Variants in EPHA6 observed in about 807,000 individuals in gnomAD.
EPHA6 encodes EPH receptor A6, also known as ephrin type-A receptor 6.
A neutral mutation model predicts 112.0 loss-of-function variants in EPHA6; 50 were observed. The observed-to-expected ratio is 0.45, with a 90% CI of 0.36 to 0.56. The LOEUF is 0.56. EPHA6 is among the 20% of genes least tolerant of loss of function. The pLI is 0.00. For synonymous variants in EPHA6, 529 were observed against 490.7 expected (o/e 1.08, Z -1.03); for missense variants, 1,280 against 1,417.4 (o/e 0.90, Z 1.56).
chr3:97,062,610 A>G (rs893646038), intron 3 of EPHA6, among the ~76,000 whole-genome samples: 3 of 152,276 alleles, frequency 2.0e-5, no homozygotes, highest in South Asian at 4.1e-4. Context: ...GAGGGACCCA[A>G]TGGGAGATAA....
intron 5 of EPHA6, among the ~76,000 whole-genome samples, chr3:97,303,313 AAGAATTTTG>A (rs1162146966): frequency 6.6e-6 from 1 of 152,064 alleles, no homozygotes; most frequent in Non-Finnish European, 1.5e-5. Context: ...AATAAGCTAA[AAGAATTTTG>A]AGAAGGGAAG....
At chr3:96,880,000 C>T (rs916213795) in intron 2 of EPHA6, among the ~76,000 whole-genome samples, 1 of 151,992 alleles carries the variant, frequency 6.6e-6, no homozygotes, top group African/African-American at 2.4e-5. Flanking sequence ...CTATTGGGTA[C>T]AATGTACGCT....
intron 11 of EPHA6, among the ~76,000 whole-genome samples, chr3:97,539,408 G>A (rs920842264): frequency 3.9e-5 from 6 of 151,990 alleles, no homozygotes; most frequent in Non-Finnish European, 8.8e-5. Flanking sequence ...TTGGCCACGG[G>A]AAGTGCTAGG....
chr3:97,471,006 C>T (rs2091213835), intron 7 of EPHA6, among the ~76,000 whole-genome samples: 1 of 151,512 alleles, frequency 6.6e-6, no homozygotes, highest in South Asian at 2.1e-4. Context: ...TTTTCTCCTA[C>T]AAAACTAATG....
intron 11 of EPHA6, among the ~76,000 whole-genome samples, chr3:97,532,931 T>C (rs1165747781): frequency 6.6e-6 from 1 of 152,022 alleles, no homozygotes; most frequent in Non-Finnish European, 1.5e-5. Flanking sequence ...TATAAAATGC[T>C]TTACCTGGAG....
chr3:97,627,786 A>G (rs1428557488), intron 13 of EPHA6, among the ~76,000 whole-genome samples: 1 of 151,954 alleles, frequency 6.6e-6, no homozygotes, highest in East Asian at 1.9e-4. Flanking sequence ...AATGATTCTC[A>G]TATTTGGCTA....
intron 2 of EPHA6, among the ~76,000 whole-genome samples, chr3:96,931,196 G>C (rs1489120375): frequency 6.6e-6 from 1 of 152,038 alleles, no homozygotes; most frequent in Non-Finnish European, 1.5e-5. Flanking sequence ...GGAAATTAGA[G>C]CTCTGTTCAT....
rs533499302 is a variant in EPHA6, at chr3:97,229,498, T to TG, written c.1270+3080dup. ...GTGTCCTTTCTCCACTTTATGTTTTTGTTTGCTTTTATTTTTATTTATCAG... is the reference window on the plus strand; with the variant it reads ...GTGTCCTTTCTCCACTTTATGTTTTTGGTTTGCTTTTATTTTTATTTATCAG... On this transcript the variant is annotated intron_variant, in intron 4 of 17. Transcript: ENST00000389672. Among the ~76,000 whole-genome samples the TG allele has an allele frequency of 6.6e-4, 101 of 152,330 alleles. 2 individuals carry two copies. In the East Asian group the frequency reaches 0.018, roughly 28 times the overall value.
intron 2 of EPHA6, among the ~76,000 whole-genome samples, chr3:96,979,611 T>C (rs1029402177): frequency 6.6e-6 from 1 of 152,180 alleles, no homozygotes; most frequent in Admixed American, 6.5e-5. Flanking sequence ...TTCTAGATCC[T>C]TGAGGGATCG....
intron 3 of EPHA6, among the ~76,000 whole-genome samples, chr3:97,124,203 T>G (rs2048118088): frequency 6.6e-6 from 1 of 152,052 alleles, no homozygotes; most frequent in Non-Finnish European, 1.5e-5. Flanking sequence ...CCATATAGTT[T>G]AGAATCAATC....
At chr3:97,596,788 A>ATATATATATT (rs1332326866) in intron 12 of EPHA6, among the ~76,000 whole-genome samples, 2 of 115,150 alleles carry the variant, frequency 1.7e-5, no homozygotes, top group East Asian at 4.1e-4. Flanking sequence ...ATATATATAT[A>ATATATATATT]TATATATATA....
At chr3:96,822,000 T>C (rs1351979667) in intron 1 of EPHA6, among the ~76,000 whole-genome samples, 2 of 151,852 alleles carry the variant, frequency 1.3e-5, no homozygotes, top group African/African-American at 2.4e-5. Context: ...TAAATGATGT[T>C]GCATGGAAGA....
chr3:97,545,671 A>C (rs1415480130), intron 11 of EPHA6, among the ~76,000 whole-genome samples: 1 of 152,056 alleles, frequency 6.6e-6, no homozygotes, highest in African/African-American at 2.4e-5. Flanking sequence ...GGGGTGTTAA[A>C]GTCTCTCATT....
intron 5 of EPHA6, among the ~76,000 whole-genome samples, chr3:97,328,016 T>TCACACACACAC (rs2082551128): frequency 2.3e-5 from 3 of 133,230 alleles, no homozygotes; most frequent in African/African-American, 9.6e-5. Flanking sequence ...TGTATATGTG[T>TCACACACACAC]ATATATGTAT....
At chr3:96,864,691 G>A (rs2036205547) in intron 1 of EPHA6, among the ~76,000 whole-genome samples, 1 of 151,956 alleles carries the variant, frequency 6.6e-6, no homozygotes, top group South Asian at 2.1e-4. Context: ...TTTGTTGTGA[G>A]TCAAACAAAT....
chr3:96,992,818 TC>T (rs2043265486), intron 3 of EPHA6, among the ~76,000 whole-genome samples: 1 of 152,220 alleles, frequency 6.6e-6, no homozygotes, highest in Non-Finnish European at 1.5e-5. Context: ...ACCCTTTTCT[TC>T]TTTTTCTGTG....
intron 11 of EPHA6, among the ~76,000 whole-genome samples, chr3:97,541,897 G>A (rs1043198857): frequency 2.6e-5 from 4 of 151,224 alleles, no homozygotes; most frequent in Non-Finnish European, 4.4e-5. Context: ...TATATAAAGG[G>A]GAGTTAATAT....
At chr3:97,311,566 TGCA>T (rs2081564312) in intron 5 of EPHA6, among the ~76,000 whole-genome samples, 1 of 151,714 alleles carries the variant, frequency 6.6e-6, no homozygotes, top group South Asian at 2.1e-4. Context: ...CTTTTTGAAT[TGCA>T]TTGGCAACTT....
intron 2 of EPHA6, among the ~76,000 whole-genome samples, chr3:96,900,506 A>G (rs185926543): frequency 2.0e-5 from 3 of 152,338 alleles, no homozygotes; most frequent in Admixed American, 1.3e-4. Flanking sequence ...TCATCAGAAT[A>G]TCATTGAAAA....
Sources: gnomAD v4.1 joint callset for allele counts (sites outside exome capture counted in the v4.1 genomes callset) on GRCh38, gnomAD v4.1.1 for gene constraint, MANE v1.5 for transcripts, NCBI Gene and HGNC (gene_info 2026-07-23, HGNC 2026-07-21) for gene names.